The following SOX6 variants were observed in gnomAD, a reference collection of about 807,000 sequenced individuals.
SOX6 encodes SRY-box transcription factor 6.
SOX6 carries 11 observed loss-of-function variants against 97.8 expected under a neutral mutation model. The ratio of observed to expected loss-of-function variants is 0.11; its 90% confidence interval spans 0.07 to 0.19. SOX6 has a LOEUF of 0.19. Among genes scored for constraint, SOX6 ranks in the 10% least tolerant of loss-of-function variants. SOX6 has a pLI of 1.00. For synonymous variants in SOX6, 360 were observed against 371.4 expected (o/e 0.97, Z 0.35); for missense variants, 810 against 1,039.5 (o/e 0.78, Z 3.04).
chr11:16,269,886 C>T (rs1393230432), intron 3 of SOX6: 1 of 151,144 alleles, frequency 6.6e-6, no homozygotes, highest in Non-Finnish European at 1.5e-5. Context: ...AATTTTACTT[C>T]GTTACAACTT....
chr11:16,385,172 C>A (rs73431677), intron 1 of SOX6, among the ~76,000 whole-genome samples: 8,774 of 152,066 alleles, frequency 0.058, 788 homozygotes, highest in African/African-American at 0.19. Flanking sequence ...CACAGTTAAT[C>A]TGTGGCAGAA....
At chr11:16,397,684 G>T (rs1437259498) in intron 1 of SOX6, 5 of 151,710 alleles carry the variant, frequency 3.3e-5, no homozygotes, top group African/African-American at 1.2e-4. Context: ...TAATCAGGCA[G>T]ATATCAAAAG....
At chr11:16,220,909 G>C (rs1023192330) in intron 4 of SOX6, among the ~76,000 whole-genome samples, 2 of 151,952 alleles carry the variant, frequency 1.3e-5, no homozygotes, top group East Asian at 1.9e-4. Context: ...GCAGATCCAG[G>C]GGAAGAAAGC....
At chr11:16,433,308 G>A (rs967424) in intron 1 of SOX6, among the ~76,000 whole-genome samples, 151,481 of 152,200 alleles carry the variant, frequency 1, 75,387 homozygotes, top group Middle Eastern at 1. Context: ...GATTTTTAAA[G>A]ACAGAGTGAA....
chr11:16,687,650 G>C (rs1847979605), intron 3 of SOX6, among the ~76,000 whole-genome samples: 1 of 152,062 alleles, frequency 6.6e-6, no homozygotes, highest in African/African-American at 2.4e-5. Flanking sequence ...GAATATTTTT[G>C]CTGGCAATAG....
At chr11:16,150,623 C>A (rs188535456) in intron 6 of SOX6, among the ~76,000 whole-genome samples, 7 of 152,270 alleles carry the variant, frequency 4.6e-5, no homozygotes, top group African/African-American at 1.7e-4. Flanking sequence ...CATAGCCAGC[C>A]ATCAGACCAG....
At chr11:16,465,225 T>C (rs1397881039) in intron 1 of SOX6, among the ~76,000 whole-genome samples, 3 of 152,194 alleles carry the variant, frequency 2.0e-5, no homozygotes, top group Admixed American at 1.3e-4. Flanking sequence ...TTATCTGTCC[T>C]GTGACTACAA....
At chr11:16,075,294 G>A (rs1848326916) in intron 9 of SOX6, among the ~76,000 whole-genome samples, 1 of 152,188 alleles carries the variant, frequency 6.6e-6, no homozygotes. Flanking sequence ...TCACAATCAT[G>A]GTGGACAGCA....
chr11:16,286,495 T>C (rs1183497934), intron 3 of SOX6, among the ~76,000 whole-genome samples: 2 of 152,188 alleles, frequency 1.3e-5, no homozygotes, highest in Non-Finnish European at 2.9e-5. Flanking sequence ...TCAGCATATA[T>C]ATGCTATATG....
intron 6 of SOX6, among the ~76,000 whole-genome samples, chr11:16,125,971 G>A (rs1262769296): frequency 6.6e-6 from 1 of 152,026 alleles, no homozygotes; most frequent in Admixed American, 6.6e-5. Flanking sequence ...TTTCCTATTG[G>A]AAATTAGGAT....
At chr11:16,507,045 C>T (rs1218091338) in intron 4 of SOX6, among the ~76,000 whole-genome samples, 2 of 151,960 alleles carry the variant, frequency 1.3e-5, no homozygotes, top group East Asian at 1.9e-4. Flanking sequence ...GCCATGATAA[C>T]GGAGAGAAAC....
intron 1 of SOX6, among the ~76,000 whole-genome samples, chr11:16,467,736 A>G (rs1860068695): frequency 6.6e-6 from 1 of 152,164 alleles, no homozygotes; most frequent in South Asian, 2.1e-4. Flanking sequence ...AACCCTCATG[A>G]CACAAGTTTA....
intron 6 of SOX6, among the ~76,000 whole-genome samples, chr11:16,118,926 A>C (rs767277189): frequency 6.6e-6 from 1 of 152,154 alleles, no homozygotes; most frequent in African/African-American, 2.4e-5. Context: ...CTGTTGAAAG[A>C]AATGTTTCCA....
intron 3 of SOX6, among the ~76,000 whole-genome samples, chr11:16,308,848 A>C (rs1440872200): frequency 6.6e-6 from 1 of 152,190 alleles, no homozygotes; most frequent in African/African-American, 2.4e-5. Context: ...AGTTGAAAGG[A>C]GGGCTAAAGA....
At chr11:16,327,418 C>T (rs10832594) in intron 2 of SOX6, among the ~76,000 whole-genome samples, 59,507 of 151,698 alleles carry the variant, frequency 0.39, 12,383 homozygotes, top group East Asian at 0.48. Context: ...TTTATTCATA[C>T]TTGTTCATCT....
At chr11:16,379,133 C>A (rs1857730020) in intron 1 of SOX6, among the ~76,000 whole-genome samples, 1 of 152,110 alleles carries the variant, frequency 6.6e-6, no homozygotes, top group African/African-American at 2.4e-5. Context: ...AAAATCTATA[C>A]TACCTCTCAA....
At chr11:16,050,048 A>T (rs1236085801) in intron 10 of SOX6, 110 bp from the exon 11 acceptor site, 1 of 1,096,834 alleles carries the variant, frequency 9.1e-7, no homozygotes, top group African/African-American at 1.6e-5. Context: ...ACATTCTCCT[A>T]CAATAATAAC....
intron 3 of SOX6, among the ~76,000 whole-genome samples, chr11:16,647,615 A>G (rs1849032928): frequency 6.6e-6 from 1 of 152,186 alleles, no homozygotes; most frequent in South Asian, 2.1e-4. Flanking sequence ...AACCAAAAGA[A>G]TTCACAGACT....
intron 2 of SOX6, among the ~76,000 whole-genome samples, chr11:16,718,267 T>A (rs534322927): frequency 0.012 from 1,792 of 151,772 alleles, 28 homozygotes; most frequent in African/African-American, 0.041. Flanking sequence ...AAAAAAAAAA[T>A]TTCATTCCTC....
Sources: gnomAD v4.1 joint callset for allele counts (sites outside exome capture counted in the v4.1 genomes callset) on GRCh38, gnomAD v4.1.1 for gene constraint, MANE v1.5 for transcripts, NCBI Gene and HGNC (gene_info 2026-07-23, HGNC 2026-07-21) for gene names.